DLG2: variants seen among roughly 807,000 people sequenced by gnomAD.
DLG2 encodes discs large MAGUK scaffold protein 2.
A neutral mutation model predicts 132.5 loss-of-function variants in DLG2; 45 were observed. That is an observed-to-expected ratio of 0.34 (90% CI 0.27 to 0.44). DLG2 has a LOEUF of 0.44. DLG2 is among the 20% of genes least tolerant of loss of function. DLG2 has a pLI of 1.00. For synonymous variants in DLG2, 424 were observed against 419.6 expected, an observed-to-expected ratio of 1.01 and a Z score of -0.13; for missense variants, 1,045 against 1,196.9, an observed-to-expected ratio of 0.87 and a Z score of 1.87.
chr11:85,341,021 T>C lies in DLG2; in HGVS notation c.41-55656A>G, dbSNP rs79224276. On this transcript the variant is annotated intron_variant, in intron 3 of 27. Coordinates refer to ENST00000376104, the MANE Select transcript of DLG2 (RefSeq NM_001142699.3). The stretch of plus-strand genomic sequence containing the variant: ...AACCATTTATTAATGGTTGACTGAA[T>C]TCTACTTGACTGAATTCTTTTCTTG... Among the ~76,000 whole-genome samples, 14 of 152,364 alleles carry C rather than the reference T, an allele frequency of 9.2e-5. No individual in the cohort carries two copies. The East Asian group carries it at 2.7e-3, about 29-fold the overall frequency.
intron 6 of DLG2, among the ~76,000 whole-genome samples, chr11:85,078,000 T>C (rs2066771373): frequency 6.6e-6 from 1 of 151,980 alleles, no homozygotes; most frequent in Admixed American, 6.6e-5. Context: ...GGAATATTAT[T>C]TTATTTCCAT....
At chr11:84,554,537 G>A (rs150770114) in intron 6 of DLG2, among the ~76,000 whole-genome samples, 2,406 of 152,078 alleles carry the variant, frequency 0.016, 76 homozygotes, top group African/African-American at 0.056. Flanking sequence ...ACCTGAGGTC[G>A]GGAGTTCAAG....
intron 7 of DLG2, among the ~76,000 whole-genome samples, chr11:84,258,365 A>G (rs190560814): frequency 3.0e-4 from 46 of 152,356 alleles, no homozygotes; most frequent in Non-Finnish European, 5.6e-4. Context: ...ACATTCTATA[A>G]ATATGAAAAT....
At chr11:85,174,528 T>A (rs1454295578) in intron 4 of DLG2, among the ~76,000 whole-genome samples, 3 of 151,910 alleles carry the variant, frequency 2.0e-5, no homozygotes, top group Non-Finnish European at 4.4e-5. Context: ...GATCTCAAAT[T>A]AACAACCTAA....
intron 7 of DLG2, among the ~76,000 whole-genome samples, chr11:84,344,634 CAA>C (rs761654605): frequency 3.8e-4 from 58 of 152,292 alleles, no homozygotes; most frequent in South Asian, 6.2e-4. Context: ...TATCTGAAAA[CAA>C]AAGACTTCCT....
chr11:85,240,566 C>A (rs1252414875), intron 4 of DLG2, among the ~76,000 whole-genome samples: 1 of 151,612 alleles, frequency 6.6e-6, no homozygotes, highest in Non-Finnish European at 1.5e-5. Context: ...ATATTTAAGT[C>A]TTTTATCCAT....
intron 7 of DLG2, among the ~76,000 whole-genome samples, chr11:84,502,724 C>T (rs1327443614): frequency 6.6e-6 from 1 of 152,046 alleles, no homozygotes; most frequent in African/African-American, 2.4e-5. Context: ...ATTCTCTGAA[C>T]ACTTTCTAGT....
intron 18 of DLG2, among the ~76,000 whole-genome samples, chr11:83,764,350 T>C (rs758632705): frequency 2.0e-5 from 3 of 152,166 alleles, no homozygotes; most frequent in African/African-American, 7.2e-5. Flanking sequence ...ACATTCAATA[T>C]ATGGTTGTTT....
At chr11:85,591,848 T>C (rs576477279) in intron 3 of DLG2, among the ~76,000 whole-genome samples, 1 of 152,232 alleles carries the variant, frequency 6.6e-6, no homozygotes, top group Non-Finnish European at 1.5e-5. Flanking sequence ...CGAAATTTTG[T>C]TTAATGCTTG....
At chr11:85,191,217 T>C (rs1332618097) in intron 4 of DLG2, among the ~76,000 whole-genome samples, 1 of 148,212 alleles carries the variant, frequency 6.7e-6, no homozygotes, top group Non-Finnish European at 1.5e-5. Context: ...TTTGGATATA[T>C]TCCCAATGAA....
chr11:84,492,790 A>G (rs2099168790), intron 7 of DLG2, among the ~76,000 whole-genome samples: 1 of 152,104 alleles, frequency 6.6e-6, no homozygotes, highest in Non-Finnish European at 1.5e-5. Context: ...TGGAAACTTT[A>G]GGTTGAGAAG....
In DLG2 at chr11:83,904,758, A is replaced by G. The variant is rs575125562; in HGVS notation, c.1496+25570T>C. On this transcript the variant is annotated intron_variant, in intron 15 of 27. Transcript: ENST00000376104. ...TCCTAATAAAAGATTCAAGTTCCCT[A>G]CACTTGGGGTTCTTTTCCTATAACA... Among the ~76,000 whole-genome samples the G allele has an allele frequency of 6.6e-5, 10 of 152,214 alleles. No homozygotes were observed. In the South Asian group the frequency reaches 2.1e-3, roughly 32 times the overall value.
intron 6 of DLG2, among the ~76,000 whole-genome samples, chr11:84,962,138 A>G (rs763057724): frequency 6.6e-6 from 1 of 152,264 alleles, no homozygotes; most frequent in Non-Finnish European, 1.5e-5. Context: ...ACGGTGCTTT[A>G]CAATCATCCT....
chr11:85,293,670 G>C (rs146511911), intron 3 of DLG2, among the ~76,000 whole-genome samples: 42 of 152,200 alleles, frequency 2.8e-4, no homozygotes, highest in African/African-American at 9.1e-4. Context: ...AAACTAAACA[G>C]GCATGACAAT....
At chr11:84,943,901 T>A (rs967992133) in intron 6 of DLG2, among the ~76,000 whole-genome samples, 4 of 152,212 alleles carry the variant, frequency 2.6e-5, no homozygotes, top group Admixed American at 2.6e-4. Context: ...TAAAGAACTC[T>A]CTTTAGCATT....
chr11:84,353,039 C>G (rs1013127649), intron 7 of DLG2, among the ~76,000 whole-genome samples: 5 of 152,128 alleles, frequency 3.3e-5, no homozygotes, highest in Admixed American at 2.0e-4. Context: ...TAAATGTGTT[C>G]AAATATCTGT....
chr11:84,085,606 C>T (rs546639031), intron 10 of DLG2, among the ~76,000 whole-genome samples: 2 of 152,204 alleles, frequency 1.3e-5, no homozygotes, highest in Non-Finnish European at 2.9e-5. Context: ...GGACTCATAG[C>T]TAGTTAGTGG....
intron 27 of DLG2, among the ~76,000 whole-genome samples, chr11:83,460,152 C>G (rs1287263768): frequency 6.6e-6 from 1 of 152,212 alleles, no homozygotes; most frequent in Non-Finnish European, 1.5e-5. Flanking sequence ...AAATGATTCA[C>G]AGTCTTTGCA....
At chr11:85,599,883 T>C (rs1343774955) in intron 2 of DLG2, among the ~76,000 whole-genome samples, 1 of 152,260 alleles carries the variant, frequency 6.6e-6, no homozygotes, top group Non-Finnish European at 1.5e-5. Context: ...ACTAGAGTTA[T>C]ACAACCTTTG....
Sources: gnomAD v4.1 joint callset for allele counts (sites outside exome capture counted in the v4.1 genomes callset) on GRCh38, gnomAD v4.1.1 for gene constraint, MANE v1.5 for transcripts, NCBI Gene and HGNC (gene_info 2026-07-23, HGNC 2026-07-21) for gene names.